WDR86: variants seen among roughly 807,000 people sequenced by gnomAD.
WDR86 encodes WD repeat domain 86, also known as WD repeat-containing protein 86.
A neutral mutation model predicts 36.5 loss-of-function variants in WDR86; 30 were observed. That is an observed-to-expected ratio of 0.82 (90% CI 0.61 to 1.11). WDR86 has a LOEUF of 1.11. Among genes scored for constraint, WDR86 ranks in the 50% most tolerant of loss-of-function variants. The probability of loss-of-function intolerance (pLI) is 0.00; values close to 1 mark genes in which losing one functional copy is unlikely to be tolerated. For missense variants in WDR86, 545 were observed against 561.2 expected (o/e 0.97, Z 0.29); for synonymous variants, 255 against 252.9 (o/e 1.01, Z -0.08).
rs573246750 is a variant in WDR86 at position 151,400,125 on chromosome 7, G to A, written c.280C>T (p.Arg94Ter). The change falls in exon 2 of 6, where the codon CGA becomes TGA. Residue 94 changes from arginine (R) to a stop codon, truncating the protein, a stop_gained. Transcript: ENST00000334493. LOFTEE classifies it high-confidence loss of function. Reference protein sequence around the residue: ...VLTGQCLQVYRGHTSIVNRIL... With the variant: ...VLTGQCLQVY ...CTGTTCACGATGGACGTGTGTCCTC[G>A]GTACACCTGCAGACACTGCCCGGTC... 45 of 1,607,798 alleles carry A rather than the reference G, an allele frequency of 2.8e-5. No homozygotes were observed. Among genetic ancestry groups the A allele is most frequent in the Admixed American group, 8.4e-5 (5 of 59,508 alleles).
At chr7:151,408,928 T>A (rs535753249) in intron 1 of WDR86, 1 of 471,892 alleles carries the variant, frequency 2.1e-6, no homozygotes, top group South Asian at 1.5e-5. Flanking sequence ...TGGGGTAACA[T>A]AGTGTGACGA....
At chr7:151,400,944 G>C (rs1800239992) in intron 1 of WDR86, among the ~76,000 whole-genome samples, 1 of 152,186 alleles carries the variant, frequency 6.6e-6, no homozygotes, top group East Asian at 1.9e-4. Context: ...GTGACCCTTT[G>C]CTCATTACAA....
chr7:151,407,659 T>G (rs113445799), intron 1 of WDR86, among the ~76,000 whole-genome samples: 1 of 152,042 alleles, frequency 6.6e-6, no homozygotes, highest in South Asian at 2.1e-4. Context: ...GCCAACATGA[T>G]GAAGCCCCAC....
At chr7:151,393,294 G>A (rs939619931) in intron 3 of WDR86, among the ~76,000 whole-genome samples, 4 of 152,176 alleles carry the variant, frequency 2.6e-5, no homozygotes, top group African/African-American at 9.7e-5. Context: ...GCCTATGCCT[G>A]TGTGTGCACA....
chr7:151,379,958 C>T (rs574352262), downstream of WDR86, among the ~76,000 whole-genome samples: 68 of 152,328 alleles, frequency 4.5e-4, no homozygotes, highest in African/African-American at 1.3e-3. Context: ...CCTGCGCCAC[C>T]GGAACCGTCC....
intron 3 of WDR86, among the ~76,000 whole-genome samples, chr7:151,392,066 A>G (rs978258441): frequency 2.8e-4 from 43 of 152,260 alleles, no homozygotes; most frequent in African/African-American, 9.9e-4. Context: ...TCCTTCTGCC[A>G]GCCCCTTCAG....
At chr7:151,396,541 TGG>T (rs200731615) in intron 2 of WDR86, among the ~76,000 whole-genome samples, 2 of 150,888 alleles carry the variant, frequency 1.3e-5, no homozygotes, top group African/African-American at 4.9e-5. Flanking sequence ...GGGAAGCGGG[TGG>T]GGGGGAAGGT....
In WDR86 at chr7:151,381,542, G is replaced by A. The variant is rs1028081249; in HGVS notation, c.*40C>T. 2.2e-6 allele frequency: 3 copies of A among 1,394,436 alleles called. No individual in the cohort carries two copies. Among genetic ancestry groups the A allele is most frequent in the Non-Finnish European group, 1.8e-6 (2 of 1,086,226 alleles). 86.4% of individuals were successfully genotyped at this position (1,394,436 alleles called of 1,614,324 possible). A position where few individuals can be genotyped will look rare whatever the true frequency, so the allele number is the denominator to read the frequency against. ...AGCAGGGCGGGGCGCTCTGGGAGCC[G>A]CTGGGTGTCTGGGCTGGCGTCTGCA... On this transcript the variant is annotated 3_prime_UTR_variant, in exon 6 of 6. Coordinates refer to ENST00000334493, the MANE Select transcript of WDR86 (RefSeq NM_198285.3). The surrounding 1 kb of genome is among the most constrained non-coding windows in gnomAD (Gnocchi z 4.8).
At chr7:151,393,232 T>C (rs894251396) in intron 3 of WDR86, among the ~76,000 whole-genome samples, 1 of 152,222 alleles carries the variant, frequency 6.6e-6, no homozygotes, top group African/African-American at 2.4e-5. Context: ...TGTGTGCCTG[T>C]GGGGTGTGCG....
At chr7:151,397,564 C>T (rs535558744) in intron 2 of WDR86, among the ~76,000 whole-genome samples, 1 of 151,522 alleles carries the variant, frequency 6.6e-6, no homozygotes, top group African/African-American at 2.4e-5. Context: ...GCTGGGATTA[C>T]GTGTATTTTT....
chr7:151,377,052 T>G, downstream of WDR86: 1 of 1,552,622 alleles, frequency 6.4e-7, no homozygotes, highest in Non-Finnish European at 8.7e-7. Flanking sequence ...TGTAGGAACC[T>G]CTAGTGCCTC....
intron 4 of WDR86, 126 bp from the exon 5 acceptor site, chr7:151,382,107 A>T (rs960231185): frequency 5.1e-6 from 4 of 779,612 alleles, no homozygotes; most frequent in Non-Finnish European, 8.3e-6. Flanking sequence ...CCTGAGGCTC[A>T]TATGGGAAGT....
rs1000045468 is a variant in WDR86, at chr7:151,388,192, T to C, written c.727-2969A>G. On this transcript the variant is annotated intron_variant, in intron 3 of 5. Transcript: ENST00000334493. The surrounding 1 kb of genome is among the most constrained non-coding windows in gnomAD (Gnocchi z 4.2). The stretch of plus-strand genomic sequence containing the variant: ...GCTCCCAGATCCTGTAGGTCTTTCT[T>C]TTCTCTGGCTGGATTTGAAATGCTT... Among the ~76,000 whole-genome samples the C allele has an allele frequency of 6.6e-6, 1 of 152,248 alleles. No individual in the cohort carries two copies. Among genetic ancestry groups the C allele is most frequent in the African/African-American group, 2.4e-5 (1 of 41,466 alleles).
chr7:151,393,308 G>C (rs919458854), intron 3 of WDR86, among the ~76,000 whole-genome samples: 5 of 152,280 alleles, frequency 3.3e-5, no homozygotes, highest in African/African-American at 1.2e-4. Context: ...GTGCACACAG[G>C]TGTGTGGGGT....
chr7:151,401,182 G>A lies in WDR86; in HGVS notation c.164-941C>T, dbSNP rs1365573007. ...GCAGCCTACCCTGACTCCCCTCTTG[G>A]GGCGTCCTGCCTATTCTGCACCTAA... On this transcript the variant is annotated intron_variant, in intron 1 of 5. Coordinates refer to ENST00000334493, the MANE Select transcript of WDR86 (RefSeq NM_198285.3). This position sits in a 1 kb window ranked among gnomAD's most constrained non-coding sequence, Gnocchi z 4.3. Among the ~76,000 whole-genome samples the A allele has an allele frequency of 6.6e-6, 1 of 152,136 alleles. No homozygotes were observed. Among genetic ancestry groups the A allele is most frequent in the African/African-American group, 2.4e-5 (1 of 41,432 alleles).
At chr7:151,399,953 G>T in intron 2 of WDR86, 147 bp downstream of exon 2, 1 of 652,666 alleles carries the variant, frequency 1.5e-6, no homozygotes, top group Non-Finnish European at 2.3e-6. Flanking sequence ...GTCGCTGGGT[G>T]CTACTGACCA....
At chr7:151,404,414 G>A (rs893317422) in intron 1 of WDR86, among the ~76,000 whole-genome samples, 2 of 152,088 alleles carry the variant, frequency 1.3e-5, no homozygotes, top group African/African-American at 4.8e-5. Flanking sequence ...AGTGAGTCAC[G>A]GGTCAGAGCC....
chr7:151,396,034 G>A lies in WDR86; in HGVS notation c.468C>T (p.Cys156=), dbSNP rs762427794. 1.8e-5 allele frequency: 29 copies of A among 1,608,984 alleles called. No homozygotes were observed. The highest frequency in any genetic ancestry group is 1.2e-4 in the South Asian group (11 of 90,718). The change falls in exon 3 of 6, where the codon TGC becomes TGT. Residue 156 remains cysteine (C), a synonymous_variant. Transcript: ENST00000334493. ...SAPWDLPSTP[C]AEEAAAGGLL... Reference sequence around the variant, plus strand: ...GCCCCCCGGCCGCGGCCTCCTCCGCGCAGGGAGTGCTGGGGAGGTCCCACG... The same window carrying A: ...GCCCCCCGGCCGCGGCCTCCTCCGCACAGGGAGTGCTGGGGAGGTCCCACG...
rs1799798242 is a variant in WDR86, at chr7:151,396,018, C to T, written c.484G>A (p.Ala162Thr). Reference sequence around the variant, plus strand: ...CTGCCGGTCACCAGAAGCCCCCCGGCCGCGGCCTCCTCCGCGCAGGGAGTG... The same window carrying T: ...CTGCCGGTCACCAGAAGCCCCCCGGTCGCGGCCTCCTCCGCGCAGGGAGTG... Reference protein sequence around the residue: ...PSTPCAEEAAAGGLLVTGSTD... With the variant: ...PSTPCAEEAATGGLLVTGSTD... The change falls in exon 3 of 6, where the codon GCC (alanine) becomes ACC (threonine). Residue 162 changes from alanine to threonine, a missense_variant. By Grantham distance (58) the Ala-to-Thr change is moderately conservative. Transcript: ENST00000334493. 2 of 1,604,506 alleles carry T rather than the reference C, an allele frequency of 1.2e-6. No homozygotes were observed. The highest frequency in any genetic ancestry group is 1.7e-5 in the Admixed American group (1 of 59,382).
Sources: gnomAD v4.1 joint callset for allele counts (sites outside exome capture counted in the v4.1 genomes callset) on GRCh38, gnomAD v4.1.1 for gene constraint, Gnocchi (gnomAD v3.1) non-coding constraint, MANE v1.5 for transcripts, NCBI Gene and HGNC (gene_info 2026-07-23, HGNC 2026-07-21) for gene names.